The following NRXN1 variants were observed in gnomAD, a reference collection of about 807,000 sequenced individuals.
The protein encoded by NRXN1 is neurexin-1.
In NRXN1, 39 loss-of-function variants were observed where a neutral mutation model predicts 150.9. The ratio of observed to expected loss-of-function variants is 0.26; its 90% CI spans 0.20 to 0.34. NRXN1 has a LOEUF of 0.34. Ranked by LOEUF, NRXN1 falls within the 10% of genes least tolerant of loss-of-function variation. The pLI is 1.00. For missense variants in NRXN1, 1,815 were observed against 1,949.9 expected, an observed-to-expected ratio of 0.93 and a Z score of 1.30; for synonymous variants, 924 against 757.0, an observed-to-expected ratio of 1.22 and a Z score of -3.62.
At chr2:50,804,461 CAT>C (rs2105718709) in intron 5 of NRXN1, among the ~76,000 whole-genome samples, 1 of 152,260 alleles carries the variant, frequency 6.6e-6, no homozygotes, top group South Asian at 2.1e-4. Flanking sequence ...ATAGGAAACA[CAT>C]GTCAGAGCCA....
At chr2:50,905,198 C>T (rs1416460998) in intron 5 of NRXN1, among the ~76,000 whole-genome samples, 1 of 152,234 alleles carries the variant, frequency 6.6e-6, no homozygotes, top group East Asian at 1.9e-4. Context: ...CTTTCCTCAG[C>T]ACTGTAATTT....
chr2:50,550,677 T>A (rs1255064347), intron 9 of NRXN1, among the ~76,000 whole-genome samples: 1 of 151,144 alleles, frequency 6.6e-6, no homozygotes, highest in Non-Finnish European at 1.5e-5. Flanking sequence ...ATTTTTATTT[T>A]TATTTTTTAT....
chr2:50,733,476 A>G (rs1223330386), intron 5 of NRXN1, among the ~76,000 whole-genome samples: 1 of 152,188 alleles, frequency 6.6e-6, no homozygotes, highest in East Asian at 1.9e-4. Flanking sequence ...TAAGTGATTA[A>G]TGCCCAATAG....
At chr2:50,537,302 C>A (rs1388696406) in intron 10 of NRXN1, among the ~76,000 whole-genome samples, 2 of 152,126 alleles carry the variant, frequency 1.3e-5, no homozygotes, top group Non-Finnish European at 2.9e-5. Flanking sequence ...GACAATGGAA[C>A]AACTCATCAA....
rs556275427 is a variant in NRXN1, at chr2:50,660,049, G to A, written c.833-36434C>T. Among the ~76,000 whole-genome samples the A allele has an allele frequency of 1.8e-4, 28 of 151,924 alleles. 1 individual carries two copies. The South Asian group carries it at 5.4e-3, about 29-fold the overall frequency. ...CTAGAACAGTGCTTGGTGTTCAGGG[G>A]GCACTAAACAAATACATCAAATGCC... On this transcript the variant is annotated intron_variant, in intron 5 of 22. Transcript: ENST00000401669.
chr2:50,754,064 T>C (rs1700916067), intron 5 of NRXN1, among the ~76,000 whole-genome samples: 1 of 150,988 alleles, frequency 6.6e-6, no homozygotes, highest in South Asian at 2.1e-4. Flanking sequence ...AATATTAAAC[T>C]AATATACCAT....
At chr2:50,577,354 C>T (rs1481310647) in intron 8 of NRXN1, among the ~76,000 whole-genome samples, 1 of 151,496 alleles carries the variant, frequency 6.6e-6, no homozygotes, top group Non-Finnish European at 1.5e-5. Context: ...GCTGCATATA[C>T]ACTAGTTGTC....
At chr2:50,282,793 G>C (rs1226412552) in intron 17 of NRXN1, among the ~76,000 whole-genome samples, 2 of 152,100 alleles carry the variant, frequency 1.3e-5, no homozygotes, top group South Asian at 2.1e-4. Flanking sequence ...ACTAATTGGA[G>C]CAGCAAAATA....
chr2:50,558,843 G>C (rs989551254), intron 8 of NRXN1, among the ~76,000 whole-genome samples: 1 of 152,074 alleles, frequency 6.6e-6, no homozygotes, highest in East Asian at 1.9e-4. Context: ...GCGGATCATG[G>C]AGGAGGGCGG....
chr2:50,236,551 C>G (rs1224708219), intron 18 of NRXN1, among the ~76,000 whole-genome samples: 1 of 136,918 alleles, frequency 7.3e-6, no homozygotes, highest in Admixed American at 7.5e-5. Flanking sequence ...TTATTTTGAA[C>G]ACAGAATTAA....
At chr2:50,841,591 T>G (rs563923629) in intron 5 of NRXN1, among the ~76,000 whole-genome samples, 8 of 152,350 alleles carry the variant, frequency 5.3e-5, no homozygotes, top group African/African-American at 1.9e-4. Flanking sequence ...CAATTTAATA[T>G]CTGTTATTTA....
At chr2:50,063,060 G>A (rs1022703199) in intron 19 of NRXN1, among the ~76,000 whole-genome samples, 1 of 152,092 alleles carries the variant, frequency 6.6e-6, no homozygotes, top group Non-Finnish European at 1.5e-5. Flanking sequence ...TTTTAAATGA[G>A]AACAAGACAT....
At chr2:50,782,376 A>G (rs1006755889) in intron 5 of NRXN1, among the ~76,000 whole-genome samples, 1 of 151,972 alleles carries the variant, frequency 6.6e-6, no homozygotes, top group African/African-American at 2.4e-5. Context: ...AGGCTGAGGC[A>G]GGAGAATCAC....
intron 18 of NRXN1, among the ~76,000 whole-genome samples, chr2:50,146,560 C>G (rs1438049412): frequency 6.6e-6 from 1 of 151,496 alleles, no homozygotes; most frequent in Non-Finnish European, 1.5e-5. Context: ...TATTTTGCCA[C>G]TACCCAAGGA....
intron 8 of NRXN1, among the ~76,000 whole-genome samples, chr2:50,610,837 C>T (rs1259333638): frequency 2.0e-5 from 3 of 148,158 alleles, no homozygotes; most frequent in African/African-American, 2.5e-5. Context: ...TTGTCATCCA[C>T]GCTGGAGTGT....
At chr2:50,337,333 C>T (rs977331414) in intron 17 of NRXN1, among the ~76,000 whole-genome samples, 1 of 152,086 alleles carries the variant, frequency 6.6e-6, no homozygotes, top group African/African-American at 2.4e-5. Flanking sequence ...GATCTGCTCG[C>T]CTCAGCCTCC....
chr2:50,175,665 A>G (rs2060309099), intron 18 of NRXN1, among the ~76,000 whole-genome samples: 1 of 152,144 alleles, frequency 6.6e-6, no homozygotes, highest in African/African-American at 2.4e-5. Context: ...CTATACATAT[A>G]CATTTACAAC....
intron 5 of NRXN1, among the ~76,000 whole-genome samples, chr2:50,768,557 T>C (rs1702626003): frequency 6.6e-6 from 1 of 151,892 alleles, no homozygotes; most frequent in Non-Finnish European, 1.5e-5. Context: ...TCTGCCCATG[T>C]CGGCCTCCCA....
chr2:51,027,544 CGCACACGGCCTGGTCGTCCACCACGGA>C lies in NRXN1; in HGVS notation c.703_729del (p.Ser235_Cys243del). 1 of 1,582,696 alleles carries C rather than the reference CGCACACGGCCTGGTCGTCCACCACGGA, an allele frequency of 6.3e-7. No individual in the cohort carries two copies. The highest frequency in any genetic ancestry group is 8.6e-7 in the Non-Finnish European group (1 of 1,160,264). On this transcript the variant is annotated inframe_deletion, in exon 2 of 23. Transcript: ENST00000401669. ...CCGCGGAAGCCGGTTCGCGAGCAGTCGCACACGGCCTGGTCGTCCACCACGGAGCACACACCTCCGTTGAGGCACACC... is the reference window on the plus strand; with the variant it reads ...CCGCGGAAGCCGGTTCGCGAGCAGTCGCACACACCTCCGTTGAGGCACACC...
Sources: gnomAD v4.1 joint callset for allele counts (sites outside exome capture counted in the v4.1 genomes callset) on GRCh38, gnomAD v4.1.1 for gene constraint, MANE v1.5 for transcripts, NCBI Gene and HGNC (gene_info 2026-07-23, HGNC 2026-07-21) for gene names.